Variants in CUBN observed in about 807,000 individuals in gnomAD.
The protein encoded by CUBN is 460 kDa receptor.
In CUBN, 282 loss-of-function variants were observed where a neutral mutation model predicts 405.3. The observed-to-expected ratio is 0.70, with a 90% CI of 0.63 to 0.77. The LOEUF is 0.77. Among genes scored for constraint, CUBN ranks in the 30% least tolerant of loss-of-function variants. The pLI is 0.00. For missense variants in CUBN, 4,514 were observed against 4,475.2 expected, an observed-to-expected ratio of 1.01 and a Z score of -0.25; for synonymous variants, 1,684 against 1,617.0, an observed-to-expected ratio of 1.04 and a Z score of -0.99.
At chr10:16,838,016 G>T (rs755823476) in intron 62 of CUBN, among the ~76,000 whole-genome samples, 3 of 152,170 alleles carry the variant, frequency 2.0e-5, no homozygotes, top group Non-Finnish European at 4.4e-5. Context: ...CAAAGGGCCT[G>T]TTCCACTTGG....
chr10:17,087,148 T>G (rs1836127573), intron 15 of CUBN, among the ~76,000 whole-genome samples: 1 of 152,124 alleles, frequency 6.6e-6, no homozygotes, highest in Non-Finnish European at 1.5e-5. Context: ...TCTATTCCTC[T>G]CTAATGGACT....
chr10:17,046,078 T>C lies in CUBN; in HGVS notation c.3346A>G (p.Lys1116Glu). 6.2e-7 allele frequency: 1 copy of C among 1,613,670 alleles called. No individual in the cohort carries two copies. The highest frequency in any genetic ancestry group is 8.5e-7 in the Non-Finnish European group (1 of 1,179,656). Residue 1116 changes from lysine (K) to glutamate (E), a missense_variant, in exon 24 of 67, where the codon AAA becomes GAA. Transcript: ENST00000377833. ...FLEIRDGGYE[K>E]SPLLGIFYGS... is the part of the protein sequence containing the mutation. ...TAGAATATTCCCAGCAATGGTGATTTTTCATAGCCTCCATCTCTGGCAGAA... is the reference window on the plus strand; with the variant it reads ...TAGAATATTCCCAGCAATGGTGATTCTTCATAGCCTCCATCTCTGGCAGAA...
At chr10:17,030,143 A>C (rs1448581872) in intron 27 of CUBN, among the ~76,000 whole-genome samples, 3 of 152,244 alleles carry the variant, frequency 2.0e-5, no homozygotes, top group Admixed American at 2.0e-4. Flanking sequence ...TGTCTAATGC[A>C]GGAAACCAAG....
intron 60 of CUBN, among the ~76,000 whole-genome samples, chr10:16,848,690 C>T (rs1173695608): frequency 8.2e-4 from 44 of 53,368 alleles, no homozygotes; most frequent in South Asian, 2.9e-3. Flanking sequence ...CTCTCCCAGC[C>T]TTTTTTTTTT....
At chr10:16,836,659 C>T (rs1208230332) in intron 62 of CUBN, among the ~76,000 whole-genome samples, 1 of 152,216 alleles carries the variant, frequency 6.6e-6, no homozygotes, top group Non-Finnish European at 1.5e-5. Flanking sequence ...ATGCAACTTC[C>T]TAGCTGAGGC....
In CUBN at chr10:17,124,100, T is replaced by C. The variant is rs978664719; in HGVS notation, c.388-411A>G. Among the ~76,000 whole-genome samples the C allele has an allele frequency of 2.9e-4, 44 of 152,242 alleles. 2 individuals carry two copies. On this transcript the variant is annotated intron_variant, in intron 4 of 66. Coordinates refer to ENST00000377833, the MANE Select transcript of CUBN (RefSeq NM_001081.4). ...ATTCCGGTTATTTTACCGGTGATTC[T>C]TATCTTTGGTCCCTCGAGGTGAGCC... is the stretch of plus-strand genomic sequence containing the variant.
intron 3 of CUBN, among the ~76,000 whole-genome samples, chr10:17,127,527 G>C (rs1399139864): frequency 6.8e-6 from 1 of 146,996 alleles, no homozygotes; most frequent in Non-Finnish European, 1.5e-5. Context: ...CTCCCTCTGT[G>C]GCCTCCCAAA....
In CUBN at chr10:16,835,091, G is replaced by C. The variant is rs760969787; in HGVS notation, c.10285C>G (p.Gln3429Glu). The change falls in exon 64 of 67, where the codon CAG becomes GAG. Residue 3429 changes from glutamine to glutamate, a missense_variant. By Grantham distance (29) the Gln-to-Glu change is conservative. Coordinates refer to ENST00000377833, the MANE Select transcript of CUBN (RefSeq NM_001081.4). The part of the protein sequence containing the change: ...KDCTVTLTAP[Q>E]NHTISLFFHS... ...AAAAAGAGGGAAATGGTGTGGTTCT[G>C]GGGGGCTGTGAGAGTAACGGTGCAA... 12 of 1,613,940 alleles carry C rather than the reference G, an allele frequency of 7.4e-6. No individual in the cohort carries two copies. The East Asian group carries it at 2.0e-4, about 27-fold the overall frequency.
chr10:16,969,425 G>A (rs745800562), intron 31 of CUBN, among the ~76,000 whole-genome samples: 13 of 151,794 alleles, frequency 8.6e-5, no homozygotes, highest in Non-Finnish European at 1.9e-4. Context: ...CACGATCTCA[G>A]CTCACTGCAG....
At chr10:17,040,177 C>A (rs1834986643) in intron 27 of CUBN, among the ~76,000 whole-genome samples, 1 of 152,070 alleles carries the variant, frequency 6.6e-6, no homozygotes, top group Non-Finnish European at 1.5e-5. Flanking sequence ...CCTTAAGTCA[C>A]TAGGCTGCAG....
intron 22 of CUBN, among the ~76,000 whole-genome samples, chr10:17,062,166 T>C (rs1304630558): frequency 6.6e-6 from 1 of 152,180 alleles, no homozygotes; most frequent in African/African-American, 2.4e-5. Context: ...TCCTACTCCA[T>C]ACTTTTAGCA....
At chr10:17,045,463 G>C (rs1167524489) in intron 24 of CUBN, among the ~76,000 whole-genome samples, 1 of 150,584 alleles carries the variant, frequency 6.6e-6, no homozygotes, top group Non-Finnish European at 1.5e-5. Flanking sequence ...AGGTTCAAGC[G>C]ATTCTCCTGC....
At chr10:17,119,942 T>C (rs1260165687) in intron 6 of CUBN, among the ~76,000 whole-genome samples, 1 of 152,226 alleles carries the variant, frequency 6.6e-6, no homozygotes, top group Non-Finnish European at 1.5e-5. Context: ...TTCAGAGGTC[T>C]TTACAATGGC....
intron 31 of CUBN, among the ~76,000 whole-genome samples, chr10:16,971,303 G>GTCCA (rs1162949832): frequency 1.3e-5 from 2 of 152,192 alleles, no homozygotes; most frequent in Non-Finnish European, 2.9e-5. Context: ...CCCGTCCAGT[G>GTCCA]TCCATCTGGC....
At chr10:16,901,918 T>TATATATATATATACACAC (rs1236540013) in intron 51 of CUBN, among the ~76,000 whole-genome samples, 2 of 109,896 alleles carry the variant, frequency 1.8e-5, no homozygotes, top group Non-Finnish European at 3.5e-5. Flanking sequence ...TATATATATA[T>TATATATATATATACACAC]ACACACACAC....
intron 22 of CUBN, among the ~76,000 whole-genome samples, chr10:17,064,277 A>C (rs1298201515): frequency 6.6e-6 from 1 of 152,250 alleles, no homozygotes; most frequent in Non-Finnish European, 1.5e-5. Flanking sequence ...ACTGCTGCAG[A>C]GTTTTGCCTG....
intron 49 of CUBN, among the ~76,000 whole-genome samples, chr10:16,906,946 T>C (rs573946276): frequency 6.6e-6 from 1 of 152,308 alleles, no homozygotes; most frequent in African/African-American, 2.4e-5. Context: ...TTTAAAACAC[T>C]CCCACTTCTA....
chr10:17,041,674 A>G (rs978259917), intron 26 of CUBN, among the ~76,000 whole-genome samples: 4 of 152,128 alleles, frequency 2.6e-5, no homozygotes, highest in Non-Finnish European at 4.4e-5. Context: ...TCAACAGTTT[A>G]AAAACCCAAA....
In CUBN at chr10:17,084,434, G is replaced by T; in HGVS notation, c.2138C>A (p.Thr713Lys). ...PSDLRCGGNY[T>K]DPEGELFLPE... ...CAAGAAGAGTTCACCCTCTGGGTCC[G>T]TGTAGTTCCCACCACAACGCAGATC... Residue 713 changes from threonine to lysine, a missense_variant, in exon 17 of 67, where the codon ACG (threonine) becomes AAG (lysine). Transcript: ENST00000377833. 1 of 1,613,646 alleles carries T rather than the reference G, an allele frequency of 6.2e-7. No individual in the cohort carries two copies. The highest frequency in any genetic ancestry group is 8.5e-7 in the Non-Finnish European group (1 of 1,179,884).
Sources: allele counts gnomAD v4.1 joint callset (sites outside exome capture counted in the v4.1 genomes callset), GRCh38; gene constraint gnomAD v4.1.1; transcripts MANE v1.5; gene names NCBI Gene and HGNC (gene_info 2026-07-23, HGNC 2026-07-21).